The following HMCN2 variants were observed in gnomAD, a reference collection of about 807,000 sequenced individuals.
The protein encoded by HMCN2 is hemicentin-2.
HMCN2 carries 325 observed loss-of-function variants against 377.5 expected under a neutral mutation model. The ratio of observed to expected loss-of-function variants is 0.86; its 90% CI spans 0.79 to 0.94. The LOEUF is 0.94. HMCN2 is among the 40% of genes least tolerant of loss of function. HMCN2 has a pLI of 0.00. For missense variants in HMCN2, 4,543 were observed against 4,725.3 expected (o/e 0.96, Z 1.13); for synonymous variants, 2,007 against 2,046.8 (o/e 0.98, Z 0.53).
intron 1 of HMCN2, among the ~76,000 whole-genome samples, chr9:130,277,739 T>C (rs1460681063): frequency 2.4e-4 from 31 of 130,640 alleles, no homozygotes; most frequent in Non-Finnish European, 4.6e-4. Flanking sequence ...ACCATCATCA[T>C]CACCACCACC....
intron 45 of HMCN2, 64 bp from the exon 46 acceptor site, chr9:130,370,900 G>A (rs904425635): frequency 1.4e-5 from 13 of 955,574 alleles, no homozygotes; most frequent in Non-Finnish European, 1.5e-5. Flanking sequence ...GTGGGGCTGG[G>A]GAAGGAGCAT....
chr9:130,340,982 T>C (rs1449106938), intron 23 of HMCN2, 129 bp from the exon 24 acceptor site: 1 of 152,274 alleles, frequency 6.6e-6, no homozygotes, highest in Non-Finnish European at 1.5e-5. Flanking sequence ...CGTCTTTTCC[T>C]GCCAGCCTTT....
intron 82 of HMCN2, chr9:130,406,810 A>G (rs1232170359): frequency 6.4e-6 from 1 of 155,148 alleles, no homozygotes; most frequent in Admixed American, 6.2e-5. Flanking sequence ...AATGGACATA[A>G]CCAGGGGTCC....
In HMCN2 at chr9:130,351,101, G is replaced by T. The variant is rs563400797; in HGVS notation, c.4431-322G>T. Among the ~76,000 whole-genome samples, 3 of 152,276 alleles carry T rather than the reference G, an allele frequency of 2.0e-5. No individual in the cohort carries two copies. In the South Asian group the frequency reaches 6.2e-4, roughly 32 times the overall value. Reference sequence around the variant, plus strand: ...CCTTCTCTATGGACGTGCCTGTTCTGGGTACTTCACATCACTGGCATCATA... The same window carrying T: ...CCTTCTCTATGGACGTGCCTGTTCTTGGTACTTCACATCACTGGCATCATA... On this transcript the variant is annotated intron_variant, in intron 29 of 97. Coordinates refer to ENST00000683500, the MANE Select transcript of HMCN2 (RefSeq NM_001291815.2). This position sits in a 1 kb window ranked among gnomAD's most constrained non-coding sequence, Gnocchi z 5.4.
chr9:130,288,264 C>T (rs1187894411), intron 4 of HMCN2, among the ~76,000 whole-genome samples: 1 of 152,214 alleles, frequency 6.6e-6, no homozygotes, highest in Non-Finnish European at 1.5e-5. Context: ...CCACTACTCC[C>T]AGCTGTGGTG....
intron 28 of HMCN2, 67 bp from the exon 29 acceptor site, chr9:130,349,470 G>C: frequency 7.8e-7 from 1 of 1,276,662 alleles, no homozygotes; most frequent in South Asian, 1.3e-5. Flanking sequence ...ACAGACAAAG[G>C]CCCCGTGGTA....
At position 130,403,180 on chromosome 9, in the gene HMCN2, C is replaced by G. The variant is rs1167690183; in HGVS notation, c.11879-14C>G. The G allele has an allele frequency of 1.6e-6, 2 of 1,287,408 alleles. No individual in the cohort carries two copies. The highest frequency in any genetic ancestry group is 4.6e-5 in the Admixed American group (2 of 43,436). The allele number at this position is 1,287,408 out of a possible 1,614,324, so 79.7% of individuals were successfully genotyped here. A position where few individuals can be genotyped will look rare whatever the true frequency, so the allele number is the denominator to read the frequency against. On this transcript the variant is annotated splice_polypyrimidine_tract_variant and intron_variant, in intron 78 of 97. Coordinates refer to ENST00000683500, the MANE Select transcript of HMCN2 (RefSeq NM_001291815.2). ...GGACATTCTCAGGGCCCTCTGCACC[C>G]CCGTCCTTTGTAGCCTCCCCGGTGG...
At chr9:130,405,916 T>TG (rs1332090974) in intron 81 of HMCN2, 39 bp from the exon 82 acceptor site, 1 of 1,253,004 alleles carries the variant, frequency 8.0e-7, no homozygotes, top group Admixed American at 2.4e-5. Context: ...TATGCCGAGG[T>TG]GGGGCAGTTC....
In HMCN2 at chr9:130,360,787, T is replaced by TCCCA. The variant is rs1265275718; in HGVS notation, c.5950+188_5950+191dup. On this transcript the variant is annotated intron_variant, in intron 38 of 97. Coordinates refer to ENST00000683500, the MANE Select transcript of HMCN2 (RefSeq NM_001291815.2). The surrounding 1 kb of genome is among the most constrained non-coding windows in gnomAD (Gnocchi z 4.7). ...ATCCATCCATCCATCCATCCATCCA[T>TCCCA]CCCACCCATCCATCCACCCATCCAC... 7.6e-6 allele frequency among the ~76,000 whole-genome samples: 1 copy of TCCCA among 132,012 alleles called. No individual in the cohort carries two copies. The highest frequency in any genetic ancestry group is 1.7e-5 in the Non-Finnish European group (1 of 60,058). The allele number at this position is 132,012 out of a possible 152,430, so 86.6% of individuals were successfully genotyped here. A position where few individuals can be genotyped will look rare whatever the true frequency, so the allele number is the denominator to read the frequency against.
intron 29 of HMCN2, among the ~76,000 whole-genome samples, chr9:130,350,100 G>A (rs928004069): frequency 6.6e-6 from 1 of 151,178 alleles, no homozygotes; most frequent in Admixed American, 6.6e-5. Context: ...TGTACAGATG[G>A]GGTCCTGCTT....
intron 36 of HMCN2, 132 bp downstream of exon 36, chr9:130,358,618 G>A: frequency 1.3e-6 from 1 of 775,086 alleles, no homozygotes. Context: ...TAACTTCAGA[G>A]GAAGTAGAAA....
chr9:130,311,834 C>T (rs1339608990), intron 15 of HMCN2, among the ~76,000 whole-genome samples: 1 of 152,068 alleles, frequency 6.6e-6, no homozygotes, highest in Admixed American at 6.5e-5. Context: ...GGAGTTTGGG[C>T]TGTGCCCTGA....
At chr9:130,336,614 A>G (rs1838760164) in intron 22 of HMCN2, among the ~76,000 whole-genome samples, 1 of 152,108 alleles carries the variant, frequency 6.6e-6, no homozygotes, top group Non-Finnish European at 1.5e-5. Context: ...TCTAGAGACC[A>G]CCACCCACTG....
intron 93 of HMCN2, chr9:130,429,171 A>G (rs915054459): frequency 5.0e-6 from 1 of 200,520 alleles, no homozygotes; most frequent in Admixed American, 5.4e-5. Context: ...CCACTTTCTT[A>G]GCTCTTCCCA....
Position 130,399,636 on chromosome 9 carries a change from A to T in HMCN2, c.11605+4A>T. ...CTCTACCAGGTGACCGTCCATGGTG[A>T]GTCGGGGCAGAGGTGGAGGGGGACA... On this transcript the variant is annotated splice_donor_region_variant and intron_variant, in intron 76 of 97. Coordinates refer to ENST00000683500, the MANE Select transcript of HMCN2 (RefSeq NM_001291815.2). 1 of 1,286,802 alleles carries T rather than the reference A, an allele frequency of 7.8e-7. No homozygotes were observed. Among genetic ancestry groups the T allele is most frequent in the Non-Finnish European group, 1.0e-6 (1 of 986,304 alleles). The allele number at this position is 1,286,802 out of a possible 1,614,324, so 79.7% of individuals were successfully genotyped here. A position where few individuals can be genotyped will look rare whatever the true frequency, so the allele number is the denominator to read the frequency against.
At position 130,347,627 on chromosome 9, in the gene HMCN2, A is replaced by T. The variant is rs992076377; in HGVS notation, c.4024+267A>T. On this transcript the variant is annotated intron_variant, in intron 26 of 97. Transcript: ENST00000683500. The surrounding 1 kb of genome is among the most constrained non-coding windows in gnomAD (Gnocchi z 5.1). ...AGTGGCAGGTTGCACTGTACACCCC[A>T]CTTCCCTAGAGAGACCCCCACGGAG... is the stretch of plus-strand genomic sequence containing the variant. 6.6e-6 allele frequency among the ~76,000 whole-genome samples: 1 copy of T among 152,092 alleles called. No homozygotes were observed. Among genetic ancestry groups the T allele is most frequent in the Non-Finnish European group, 1.5e-5 (1 of 67,986 alleles).
Position 130,362,078 on chromosome 9 carries a change from CTGCA to C in HMCN2, c.6022_6025del (p.Cys2008MetfsTer10), listed in dbSNP as rs1840415649. ...TGGTCAACACCCCTGTCCGGCTGAC[CTGCA>C]ATGCCACCGGTGCCCCCAGCCCCAC... On this transcript the variant is annotated frameshift_variant, in exon 39 of 98. Transcript: ENST00000683500. LOFTEE classifies it high-confidence loss of function. 1 of 985,940 alleles carries C rather than the reference CTGCA, an allele frequency of 1.0e-6. No individual in the cohort carries two copies. The highest frequency in any genetic ancestry group is 6.1e-5 in the Admixed American group (1 of 16,274). 61.1% of individuals were successfully genotyped at this position (985,940 alleles called of 1,614,324 possible). A position where few individuals can be genotyped will look rare whatever the true frequency, so the allele number is the denominator to read the frequency against.
intron 85 of HMCN2, among the ~76,000 whole-genome samples, chr9:130,412,633 G>C (rs1195944584): frequency 6.8e-6 from 1 of 147,836 alleles, no homozygotes; most frequent in Non-Finnish European, 1.5e-5. Flanking sequence ...CTGGAGTGCA[G>C]TGGCAAGATC....
chr9:130,394,498 C>T lies in HMCN2; in HGVS notation c.10615C>T (p.His3539Tyr), dbSNP rs775649901. 1 of 1,289,836 alleles carries T rather than the reference C, an allele frequency of 7.8e-7. No homozygotes were observed. Among genetic ancestry groups the T allele is most frequent in the South Asian group, 1.2e-5 (1 of 81,022 alleles). 79.9% of individuals were successfully genotyped at this position (1,289,836 alleles called of 1,614,324 possible). A position where few individuals can be genotyped will look rare whatever the true frequency, so the allele number is the denominator to read the frequency against. The stretch of plus-strand genomic sequence containing the variant: ...CACCCCCCAGCCCAACATCACCTGG[C>T]ATAAGGACGGGCAGGCCCTGACCAG... The part of the protein sequence containing the change: ...QGTPQPNITW[H>Y]KDGQALTRLE... Residue 3539 changes from histidine (H) to tyrosine (Y), a missense_variant, in exon 69 of 98, where the codon CAT (histidine) becomes TAT (tyrosine). Coordinates refer to ENST00000683500, the MANE Select transcript of HMCN2 (RefSeq NM_001291815.2). This position sits in a 1 kb window ranked among gnomAD's most constrained non-coding sequence, Gnocchi z 5.1.
Sources: gnomAD v4.1 joint callset for allele counts (sites outside exome capture counted in the v4.1 genomes callset) on GRCh38, gnomAD v4.1.1 for gene constraint, Gnocchi (gnomAD v3.1) non-coding constraint, MANE v1.5 for transcripts, NCBI Gene and HGNC (gene_info 2026-07-23, HGNC 2026-07-21) for gene names.